The following EML4 variants were observed in gnomAD, a reference collection of about 807,000 sequenced individuals.
EML4 encodes EMAP like 4, also known as echinoderm microtubule-associated protein-like 4.
A neutral mutation model predicts 129.0 loss-of-function variants in EML4; 72 were observed. The observed-to-expected ratio is 0.56, with a 90% CI of 0.46 to 0.68. The LOEUF (loss-of-function observed/expected upper bound fraction) is 0.68, where lower values mean the gene tolerates loss of function less well. EML4 is among the 30% of genes least tolerant of loss of function. EML4 has a pLI of 0.00. For synonymous variants in EML4, 532 were observed against 405.0 expected, an observed-to-expected ratio of 1.31 and a Z score of -3.77; for missense variants, 1,363 against 1,190.6, an observed-to-expected ratio of 1.14 and a Z score of -2.13.
In EML4 at chr2:42,295,186, C is replaced by T; in HGVS notation, c.1280C>T (p.Thr427Ile). The T allele has an allele frequency of 1.9e-6, 3 of 1,613,038 alleles. No homozygotes were observed. Among genetic ancestry groups the T allele is most frequent in the Non-Finnish European group, 2.5e-6 (3 of 1,179,620 alleles). Residue 427 changes from threonine (T) to isoleucine (I), a missense_variant, in exon 12 of 23, where the codon ACA becomes ATA. By Grantham distance (89) the Thr-to-Ile change is moderately conservative. Transcript: ENST00000318522. ...FHPTDANTIITCGKSHIFFWT... is the reference protein window; with the variant it reads ...FHPTDANTIIICGKSHIFFWT... ...CCAACAGATGCAAATACCATAATTA[C>T]ATGCGGTAAATCTCATATTTTCTTC...
rs1034317801 is a variant in EML4, at chr2:42,244,661, G to A, written c.26-844G>A. Among the ~76,000 whole-genome samples, 50 of 152,126 alleles carry A rather than the reference G, an allele frequency of 3.3e-4. 1 individual carries two copies. Among genetic ancestry groups the A allele is most frequent in the African/African-American group, 1.1e-3 (47 of 41,404 alleles). Reference sequence around the variant, plus strand: ...CTTTTGTTAATTACATAGCAATACCGAGTTCTGTGGGGTGTGGGAGAGTAT... The same window carrying A: ...CTTTTGTTAATTACATAGCAATACCAAGTTCTGTGGGGTGTGGGAGAGTAT... On this transcript the variant is annotated intron_variant, in intron 1 of 22. Transcript: ENST00000318522.
rs753131127 is a variant in EML4 at position 42,245,542 on chromosome 2, A to G, written c.63A>G (p.Gln21=). 7.4e-6 allele frequency: 12 copies of G among 1,613,688 alleles called. No homozygotes were observed. The highest frequency in any genetic ancestry group is 1.6e-4 in the Middle Eastern group (1 of 6,082). ...SISAASTSDV[Q]DRLSALESRV... ...CTGCTGCAAGTACTTCTGATGTTCA[A>G]GATCGCCTGTCAGCTCTTGAGTCAC... The change falls in exon 2 of 23, where the codon CAA becomes CAG. Residue 21 remains glutamine (Q), a synonymous_variant. Transcript: ENST00000318522.
intron 16 of EML4, 108 bp downstream of exon 16, chr2:42,303,554 A>C: frequency 1.7e-6 from 2 of 1,192,084 alleles, no homozygotes; most frequent in Non-Finnish European, 2.4e-6. Context: ...ACCAAATGTA[A>C]ACATATGGTT....
At chr2:42,328,861 G>A (rs765718733) in intron 21 of EML4, 25 bp from the exon 22 acceptor site, 15 of 1,561,760 alleles carry the variant, frequency 9.6e-6, no homozygotes, top group Middle Eastern at 1.8e-4. Flanking sequence ...TAATTTTTCT[G>A]CATCCCTGTG....
At chr2:42,236,764 C>T (rs1370412511) in intron 1 of EML4, among the ~76,000 whole-genome samples, 2 of 152,002 alleles carry the variant, frequency 1.3e-5, no homozygotes, top group South Asian at 2.1e-4. Context: ...TGAAACAGGT[C>T]ACTTTCTACC....
intron 1 of EML4, among the ~76,000 whole-genome samples, chr2:42,201,801 G>A (rs1197506628): frequency 6.6e-6 from 1 of 151,992 alleles, no homozygotes; most frequent in Admixed American, 6.5e-5. Context: ...CAGAAAATAG[G>A]CCGGGCATGG....
intron 1 of EML4, among the ~76,000 whole-genome samples, chr2:42,204,386 G>A (rs1054256111): frequency 2.0e-5 from 3 of 152,142 alleles, no homozygotes; most frequent in African/African-American, 7.2e-5. Context: ...GCAGGGGCTG[G>A]CAAACTTTTT....
chr2:42,238,042 A>C (rs561064903), intron 1 of EML4, among the ~76,000 whole-genome samples: 1 of 152,210 alleles, frequency 6.6e-6, no homozygotes, highest in Admixed American at 6.5e-5. Context: ...TTCAGTATAC[A>C]CTTTATTTCA....
intron 6 of EML4, among the ~76,000 whole-genome samples, chr2:42,274,748 G>A (rs1426642880): frequency 6.6e-5 from 10 of 152,080 alleles, no homozygotes; most frequent in African/African-American, 2.4e-4. Context: ...TAACCACTTT[G>A]CAATTTGGGA....
At chr2:42,287,400 C>T (rs775825749) in intron 10 of EML4, among the ~76,000 whole-genome samples, 1 of 152,158 alleles carries the variant, frequency 6.6e-6, no homozygotes, top group Non-Finnish European at 1.5e-5. Flanking sequence ...ACCATTGTTA[C>T]GGTGTTAAGA....
chr2:42,251,255 C>G (rs1177986346), intron 2 of EML4, among the ~76,000 whole-genome samples: 1 of 152,122 alleles, frequency 6.6e-6, no homozygotes, highest in South Asian at 2.1e-4. Flanking sequence ...TCTAACAAAC[C>G]TAAACATAGA....
intron 1 of EML4, among the ~76,000 whole-genome samples, chr2:42,179,263 G>GTTTTTTTT (rs11396677): frequency 7.0e-6 from 1 of 142,822 alleles, no homozygotes; most frequent in African/African-American, 2.6e-5. Flanking sequence ...GGGGAGCTGG[G>GTTTTTTTT]TTTTTTTTTT....
intron 1 of EML4, among the ~76,000 whole-genome samples, chr2:42,236,917 C>G (rs1420436933): frequency 6.6e-6 from 1 of 152,094 alleles, no homozygotes; most frequent in Non-Finnish European, 1.5e-5. Flanking sequence ...TAATGAGGTG[C>G]TTGAGTCTCA....
rs559564275 is a variant in EML4, at chr2:42,257,584, C to G, written c.338+954C>G. Among the ~76,000 whole-genome samples the G allele has an allele frequency of 1.5e-4, 23 of 152,276 alleles. No homozygotes were observed. In the South Asian group the frequency reaches 4.6e-3, roughly 30 times the overall value. On this transcript the variant is annotated intron_variant, in intron 3 of 22. Transcript: ENST00000318522. ...GGCACGGTGGCTCATGCCTGTAATCCCAGCACTTTGGGAGGCTGAGGCGGG... is the reference window on the plus strand; with the variant it reads ...GGCACGGTGGCTCATGCCTGTAATCGCAGCACTTTGGGAGGCTGAGGCGGG...
chr2:42,228,391 T>A lies in EML4; in HGVS notation c.26-17114T>A, dbSNP rs1002495179. 1.3e-5 allele frequency among the ~76,000 whole-genome samples: 2 copies of A among 152,178 alleles called. 1 individual carries two copies. The highest frequency in any genetic ancestry group is 2.9e-5 in the Non-Finnish European group (2 of 68,032). ...TGATGAGTTTTGCTGATATAGCTTG[T>A]GGTTGATTGATAGATTTCCTCTGGG... is the stretch of plus-strand genomic sequence containing the variant. On this transcript the variant is annotated intron_variant, in intron 1 of 22. Transcript: ENST00000318522.
chr2:42,292,428 C>T (rs1051003982), intron 11 of EML4, among the ~76,000 whole-genome samples: 3 of 152,104 alleles, frequency 2.0e-5, no homozygotes, highest in Non-Finnish European at 4.4e-5. Flanking sequence ...CAAAAGATTA[C>T]AATAGAGCAA....
chr2:42,256,038 G>C (rs967386749), intron 2 of EML4, among the ~76,000 whole-genome samples: 1 of 152,176 alleles, frequency 6.6e-6, no homozygotes, highest in Non-Finnish European at 1.5e-5. Flanking sequence ...TACTGTGTAA[G>C]TTAAAGGAGA....
intron 3 of EML4, among the ~76,000 whole-genome samples, chr2:42,258,557 C>T (rs1442190234): frequency 6.6e-6 from 1 of 152,054 alleles, no homozygotes; most frequent in Non-Finnish European, 1.5e-5. Flanking sequence ...TGCGCCACCA[C>T]ACCCAGCTAA....
intron 1 of EML4, among the ~76,000 whole-genome samples, chr2:42,186,452 A>T (rs911980005): frequency 8.5e-5 from 13 of 152,226 alleles, no homozygotes; most frequent in African/African-American, 2.9e-4. Context: ...AGATAAGATA[A>T]AGACACATTC....
Sources: gnomAD v4.1 joint callset for allele counts (sites outside exome capture counted in the v4.1 genomes callset) on GRCh38, gnomAD v4.1.1 for gene constraint, MANE v1.5 for transcripts, NCBI Gene and HGNC (gene_info 2026-07-23, HGNC 2026-07-21) for gene names.